The following COL6A6 variants were observed in gnomAD, a reference collection of about 807,000 sequenced individuals.
COL6A6 encodes the protein collagen type VI alpha 6 chain.
Under a neutral mutation model 208.6 loss-of-function variants are expected in COL6A6, and 183 were observed. The observed-to-expected ratio is 0.88, with a 90% CI of 0.78 to 0.99. The LOEUF is 0.99. COL6A6 is among the 50% of genes least tolerant of loss of function. COL6A6 has a pLI of 0.00. For synonymous variants in COL6A6, 973 were observed against 1,011.8 expected (o/e 0.96, Z 0.73); for missense variants, 2,816 against 2,815.2 (o/e 1.00, Z -0.01).
At chr3:130,573,437 G>A (rs1194098754) in intron 7 of COL6A6, among the ~76,000 whole-genome samples, 8 of 152,080 alleles carry the variant, frequency 5.3e-5, no homozygotes, top group Middle Eastern at 3.2e-3. Context: ...AGATGTGTGA[G>A]TGATTCATTC....
intron 1 of COL6A6, among the ~76,000 whole-genome samples, chr3:130,553,201 G>A (rs1182667720): frequency 2.0e-5 from 3 of 152,202 alleles, no homozygotes; most frequent in Admixed American, 6.5e-5. Context: ...TCTCTAGCCA[G>A]GTTGGGGAAA....
rs1305199600 is a variant in COL6A6, at chr3:130,566,876, T to A, written c.1457T>A (p.Leu486Ter). The A allele has an allele frequency of 6.8e-6, 11 of 1,613,960 alleles. No homozygotes were observed. The East Asian group carries it at 2.5e-4, about 36-fold the overall frequency. Reference protein sequence around the residue: ...GAVQYADSWDLEFEINKYSNK... With the variant: ...GAVQYADSWD ...GTTCAGTATGCTGACAGCTGGGACTTGGAATTTGAGATCAATAAATACTCC... is the reference window on the plus strand; with the variant it reads ...GTTCAGTATGCTGACAGCTGGGACTAGGAATTTGAGATCAATAAATACTCC... The change falls in exon 5 of 37, where the codon TTG becomes TAG. Residue 486 changes from leucine (L) to a stop codon, truncating the protein, a stop_gained. Transcript: ENST00000358511. LOFTEE classifies it high-confidence loss of function.
rs773506716 is a variant in COL6A6 at position 130,568,620 on chromosome 3, C to T, written c.2401+16C>T. Reference sequence around the variant, plus strand: ...CCCCGTGAAGGTAGGCATGGGCATACTCACTAGCAGGACTATCCGAACAAC... The same window carrying T: ...CCCCGTGAAGGTAGGCATGGGCATATTCACTAGCAGGACTATCCGAACAAC... On this transcript the variant is annotated intron_variant, in intron 6 of 36. Transcript: ENST00000358511. The T allele has an allele frequency of 6.3e-7, 1 of 1,577,174 alleles. No homozygotes were observed. The highest frequency in any genetic ancestry group is 8.6e-7 in the Non-Finnish European group (1 of 1,166,744).
chr3:130,601,138 G>A (rs148330360), intron 20 of COL6A6, among the ~76,000 whole-genome samples: 1 of 151,944 alleles, frequency 6.6e-6, no homozygotes, highest in African/African-American at 2.4e-5. Flanking sequence ...AGGCTGTCTC[G>A]TTTCATTTTG....
chr3:130,555,519 GT>G (rs2062748108), intron 1 of COL6A6, among the ~76,000 whole-genome samples: 1 of 152,096 alleles, frequency 6.6e-6, no homozygotes, highest in East Asian at 1.9e-4. Flanking sequence ...CCCTGTCCCT[GT>G]TCTTTTTTTT....
chr3:130,546,789 C>T (rs913437532), intron 1 of COL6A6, among the ~76,000 whole-genome samples: 8 of 152,208 alleles, frequency 5.3e-5, no homozygotes, highest in Non-Finnish European at 1.0e-4. Context: ...AAACCTTGAG[C>T]TAGACACAGA....
Position 130,664,989 on chromosome 3 carries a change from C to CTT in COL6A6, c.6503-11_6503-10dup, listed in dbSNP as rs755032454. ...TCATGAATACAAGACTTATCACAGA[C>CTT]TTTTCTCTTCTAGGTGCAATCAACA... On this transcript the variant is annotated splice_polypyrimidine_tract_variant and intron_variant, in intron 35 of 36. Transcript: ENST00000358511. 3.9e-6 allele frequency: 6 copies of CTT among 1,542,226 alleles called. No individual in the cohort carries two copies. The African/African-American group carries it at 5.4e-5, about 14-fold the overall frequency.
At chr3:130,536,691 G>T (rs1318003223) in intron 1 of COL6A6, among the ~76,000 whole-genome samples, 3 of 152,200 alleles carry the variant, frequency 2.0e-5, no homozygotes, top group Non-Finnish European at 2.9e-5. Flanking sequence ...AGTGAAATCA[G>T]TGCAGCTGGA....
At position 130,554,708 on chromosome 3, in the gene COL6A6, G is replaced by A. The variant is rs145379532; in HGVS notation, c.-31-5626G>A. 9.4e-4 allele frequency among the ~76,000 whole-genome samples: 143 copies of A among 152,318 alleles called. 1 individual carries two copies. The highest frequency in any genetic ancestry group is 3.2e-3 in the African/African-American group (135 of 41,568). On this transcript the variant is annotated intron_variant, in intron 1 of 36. Transcript: ENST00000358511. ...GTGTACACATCCACCTGTGGAGAAGGGGAGGTGAGGTCTTCTCATGTGCAT... is the reference window on the plus strand; with the variant it reads ...GTGTACACATCCACCTGTGGAGAAGAGGAGGTGAGGTCTTCTCATGTGCAT...
rs1182791453 is a variant in COL6A6 at position 130,676,124 on chromosome 3, A to G, written c.*727A>G. 3 of 152,162 alleles carry G rather than the reference A, an allele frequency of 2.0e-5. No individual in the cohort carries two copies. The highest frequency in any genetic ancestry group is 4.4e-5 in the Non-Finnish European group (3 of 68,020). The allele number at this position is 152,162 out of a possible 1,614,324, so 9.4% of individuals were successfully genotyped here. On this transcript the variant is annotated 3_prime_UTR_variant, in exon 37 of 37. Transcript: ENST00000358511. The stretch of plus-strand genomic sequence containing the variant: ...GGACTTCTAGTCTGTCTTTCCTGTT[A>G]TGGTCATTTATTAATTTTCACTAAT...
intron 20 of COL6A6, among the ~76,000 whole-genome samples, chr3:130,603,428 A>T (rs1309749881): frequency 6.6e-6 from 1 of 152,202 alleles, no homozygotes; most frequent in Non-Finnish European, 1.5e-5. Flanking sequence ...TAGAGCTAAT[A>T]AGCTGTTACC....
At chr3:130,657,319 A>G (rs1297721332) in intron 33 of COL6A6, among the ~76,000 whole-genome samples, 1 of 152,234 alleles carries the variant, frequency 6.6e-6, no homozygotes, top group Non-Finnish European at 1.5e-5. Context: ...AGCCAGCATC[A>G]TGGCAGTGGC....
At chr3:130,587,058 C>T (rs947848757) in intron 11 of COL6A6, among the ~76,000 whole-genome samples, 2 of 152,128 alleles carry the variant, frequency 1.3e-5, no homozygotes, top group Non-Finnish European at 2.9e-5. Context: ...GCTTTCCGTA[C>T]TGAGTGTAAT....
intron 19 of COL6A6, 35 bp from the exon 20 acceptor site, chr3:130,599,722 A>G: frequency 6.2e-7 from 1 of 1,611,368 alleles, no homozygotes; most frequent in Non-Finnish European, 8.5e-7. Flanking sequence ...AATGCTGCAT[A>G]ATTACCGTCA....
chr3:130,665,545 G>A (rs2066054153), intron 36 of COL6A6, among the ~76,000 whole-genome samples: 1 of 152,188 alleles, frequency 6.6e-6, no homozygotes, highest in African/African-American at 2.4e-5. Context: ...GGACAAAGGA[G>A]TCATCTTGAT....
intron 1 of COL6A6, among the ~76,000 whole-genome samples, chr3:130,531,413 C>T (rs1045130774): frequency 1.3e-5 from 2 of 152,142 alleles, no homozygotes; most frequent in African/African-American, 4.8e-5. Context: ...TGGAAAATCT[C>T]CAGGTGAGAA....
intron 18 of COL6A6, among the ~76,000 whole-genome samples, chr3:130,597,676 T>C (rs1402764511): frequency 6.6e-6 from 1 of 152,224 alleles, no homozygotes; most frequent in Non-Finnish European, 1.5e-5. Context: ...AGAAAGACTT[T>C]GGTTTGGCCT....
At chr3:130,594,875 C>G (rs2063809058) in intron 18 of COL6A6, among the ~76,000 whole-genome samples, 1 of 152,180 alleles carries the variant, frequency 6.6e-6, no homozygotes, top group Non-Finnish European at 1.5e-5. Flanking sequence ...AGGGGAACTT[C>G]CATTTATAAA....
intron 23 of COL6A6, among the ~76,000 whole-genome samples, chr3:130,613,038 A>G (rs1230021570): frequency 1.3e-5 from 2 of 151,234 alleles, no homozygotes; most frequent in Non-Finnish European, 3.0e-5. Context: ...TGGGTCTGTC[A>G]ATGTTTGTGT....
Sources: allele counts gnomAD v4.1 joint callset (sites outside exome capture counted in the v4.1 genomes callset), GRCh38; gene constraint gnomAD v4.1.1; transcripts MANE v1.5; gene names NCBI Gene and HGNC (gene_info 2026-07-23, HGNC 2026-07-21).